DOCK5: variants seen among roughly 807,000 people sequenced by gnomAD.
The protein encoded by DOCK5 is dedicator of cytokinesis 5.
A neutral mutation model predicts 251.8 loss-of-function variants in DOCK5; 142 were observed. That is an observed-to-expected ratio of 0.56 (90% confidence interval 0.49 to 0.65). The LOEUF (loss-of-function observed/expected upper bound fraction) is 0.65, where lower values mean the gene tolerates loss of function less well. DOCK5 is among the 30% of genes least tolerant of loss of function. The pLI is 0.00. For synonymous variants in DOCK5, 842 were observed against 835.5 expected, an observed-to-expected ratio of 1.01 and a Z score of -0.13; for missense variants, 2,111 against 2,312.3, an observed-to-expected ratio of 0.91 and a Z score of 1.79.
At chr8:25,315,148 T>TTTTTTTTTTTTTTTGAGACAGAGTC (rs1265118069) in intron 13 of DOCK5, among the ~76,000 whole-genome samples, 1 of 143,308 alleles carries the variant, frequency 7.0e-6, no homozygotes, top group Non-Finnish European at 1.5e-5. Context: ...AATTCTTAAT[T>TTTTTTTTTTTTTTTGAGACAGAGTC]TGCCCACCGG....
At chr8:25,347,978 C>T (rs562429307) in intron 26 of DOCK5, among the ~76,000 whole-genome samples, 7 of 152,150 alleles carry the variant, frequency 4.6e-5, no homozygotes, top group Admixed American at 2.0e-4. Flanking sequence ...TTTGGTATTC[C>T]CAATATTATG....
chr8:25,205,470 C>G (rs925590058), intron 1 of DOCK5, among the ~76,000 whole-genome samples: 7 of 152,166 alleles, frequency 4.6e-5, no homozygotes, highest in African/African-American at 1.7e-4. Context: ...GTTATGGCAG[C>G]CTAAGCTGAC....
chr8:25,377,856 C>T (rs527437100), intron 38 of DOCK5, among the ~76,000 whole-genome samples: 1 of 152,092 alleles, frequency 6.6e-6, no homozygotes, highest in African/African-American at 2.4e-5. Flanking sequence ...CAGTGTGTTC[C>T]TCAATCAGGA....
intron 1 of DOCK5, 126 bp from the exon 2 acceptor site, chr8:25,243,548 C>G (rs1050256565): frequency 2.6e-6 from 2 of 777,030 alleles, no homozygotes; most frequent in Non-Finnish European, 4.1e-6. Flanking sequence ...CCAGGCTGGT[C>G]TTGAACTCCT....
At chr8:25,398,571 T>C (rs1241712204) in intron 45 of DOCK5, among the ~76,000 whole-genome samples, 1 of 152,222 alleles carries the variant, frequency 6.6e-6, no homozygotes, top group Non-Finnish European at 1.5e-5. Flanking sequence ...CAAGGATGTG[T>C]GAAAGAATGT....
At chr8:25,298,058 TAAA>T (rs145331060) in intron 7 of DOCK5, among the ~76,000 whole-genome samples, 5 of 125,878 alleles carry the variant, frequency 4.0e-5, no homozygotes, top group Non-Finnish European at 3.4e-5. Context: ...CCCTGCCTCT[TAAA>T]AAAAAAAAAA....
intron 6 of DOCK5, among the ~76,000 whole-genome samples, chr8:25,294,847 GAGC>G (rs1437929772): frequency 2.0e-5 from 3 of 152,162 alleles, no homozygotes; most frequent in African/African-American, 7.2e-5. Context: ...TACATGGCCA[GAGC>G]AGGAGTAAGA....
chr8:25,403,381 G>C (rs1030578449), intron 47 of DOCK5, among the ~76,000 whole-genome samples, 177 bp from the exon 48 acceptor site: 1 of 152,124 alleles, frequency 6.6e-6, no homozygotes, highest in African/African-American at 2.4e-5. Context: ...AACAGTATCA[G>C]TACATGCAAT....
At chr8:25,332,397 A>T (rs761419293) in intron 19 of DOCK5, 49 bp downstream of exon 19, 3 of 1,438,652 alleles carry the variant, frequency 2.1e-6, no homozygotes, top group Non-Finnish European at 2.9e-6. Context: ...ACATATATAT[A>T]CCTATCTAAT....
At chr8:25,286,955 A>G (rs1006141653) in intron 5 of DOCK5, among the ~76,000 whole-genome samples, 4 of 152,138 alleles carry the variant, frequency 2.6e-5, no homozygotes, top group African/African-American at 9.7e-5. Context: ...TGCTAAGATT[A>G]TAGGCATGAA....
At chr8:25,250,834 C>T (rs559741297) in intron 2 of DOCK5, among the ~76,000 whole-genome samples, 7 of 152,242 alleles carry the variant, frequency 4.6e-5, no homozygotes, top group South Asian at 2.1e-4. Context: ...GAGAGGGAGA[C>T]GGAAGACTAT....
intron 2 of DOCK5, among the ~76,000 whole-genome samples, chr8:25,267,748 C>G (rs560266468): frequency 1.2e-4 from 18 of 152,218 alleles, no homozygotes; most frequent in Admixed American, 9.1e-4. Context: ...GAACTTCCTA[C>G]AGTAGGTGTT....
chr8:25,319,528 A>G (rs1307597391), intron 14 of DOCK5, 50 bp from the exon 15 acceptor site: 1 of 1,388,418 alleles, frequency 7.2e-7, no homozygotes, highest in Non-Finnish European at 1.0e-6. Context: ...GGGTCCTCTT[A>G]CTTTTCTAAA....
intron 31 of DOCK5, 32 bp downstream of exon 31, chr8:25,367,002 G>T (rs1380297293): frequency 6.4e-7 from 1 of 1,567,266 alleles, no homozygotes; most frequent in Admixed American, 1.7e-5. Context: ...AGATCGGGAA[G>T]GGGCTTCTTC....
chr8:25,304,304 G>A lies in DOCK5; in HGVS notation c.1026G>A (p.Lys342=), dbSNP rs770305339. 1.2e-6 allele frequency: 2 copies of A among 1,610,372 alleles called. No individual in the cohort carries two copies. The highest frequency in any genetic ancestry group is 1.7e-5 in the Admixed American group (1 of 59,434). ...IIHGKVDDEE[K]QHFIPFQQIA... is the part of the protein sequence containing the mutation. ...ATGGGAAGGTGGATGATGAAGAAAA[G>A]CAGCATTTTATTCCCTTTCAGCAGT... The change falls in exon 11 of 52, where the codon AAG becomes AAA. Residue 342 remains lysine, a synonymous_variant. Coordinates refer to ENST00000276440, the MANE Select transcript of DOCK5 (RefSeq NM_024940.8).
At chr8:25,245,448 A>G (rs1803073506) in intron 2 of DOCK5, among the ~76,000 whole-genome samples, 1 of 151,642 alleles carries the variant, frequency 6.6e-6, no homozygotes, top group Admixed American at 6.6e-5. Flanking sequence ...ATATTTTCCT[A>G]TTGTGCAGGT....
intron 1 of DOCK5, among the ~76,000 whole-genome samples, chr8:25,223,007 C>A (rs1346649978): frequency 1.3e-5 from 2 of 152,118 alleles, no homozygotes; most frequent in Non-Finnish European, 2.9e-5. Context: ...AGTCCTGGAA[C>A]CGAGGAGCTA....
At chr8:25,300,466 CT>C (rs1368601520) in intron 8 of DOCK5, 109 bp from the exon 9 acceptor site, 1 of 927,618 alleles carries the variant, frequency 1.1e-6, no homozygotes, top group Non-Finnish European at 1.6e-6. Context: ...TTGAATTTCA[CT>C]GAGCATTTCT....
At chr8:25,191,357 T>C (rs1250065566) in intron 1 of DOCK5, among the ~76,000 whole-genome samples, 1 of 152,188 alleles carries the variant, frequency 6.6e-6, no homozygotes, top group African/African-American at 2.4e-5. Flanking sequence ...TAAAGAGACT[T>C]CCAAATATGC....
Sources: allele counts gnomAD v4.1 joint callset (sites outside exome capture counted in the v4.1 genomes callset), GRCh38; gene constraint gnomAD v4.1.1; transcripts MANE v1.5; gene names NCBI Gene and HGNC (gene_info 2026-07-23, HGNC 2026-07-21).